OLFML2A: variants seen among roughly 807,000 people sequenced by gnomAD.
OLFML2A encodes the protein olfactomedin-like protein 2A.
OLFML2A carries 47 observed loss-of-function variants against 60.9 expected under a neutral mutation model. That is an observed-to-expected ratio of 0.77 (90% CI 0.61 to 0.98). The LOEUF (loss-of-function observed/expected upper bound fraction) is 0.98. Among genes scored for constraint, OLFML2A ranks in the 50% least tolerant of loss-of-function variants. OLFML2A has a pLI of 0.00. For synonymous variants in OLFML2A, 372 were observed against 375.0 expected (o/e 0.99, Z 0.09); for missense variants, 922 against 879.8 (o/e 1.05, Z -0.61).
intron 2 of OLFML2A, among the ~76,000 whole-genome samples, chr9:124,789,494 A>G (rs1028315410): frequency 6.6e-6 from 1 of 152,222 alleles, no homozygotes; most frequent in African/African-American, 2.4e-5. Context: ...CATGTATAAT[A>G]AGGTGTGTTA....
rs980462371 is a variant in OLFML2A, at chr9:124,811,534, G to T, written c.*1122G>T. 5 of 152,614 alleles carry T rather than the reference G, an allele frequency of 3.3e-5. No individual in the cohort carries two copies. The highest frequency in any genetic ancestry group is 1.2e-4 in the African/African-American group (5 of 41,472). 9.5% of individuals were successfully genotyped at this position (152,614 alleles called of 1,614,324 possible). On this transcript the variant is annotated 3_prime_UTR_variant, in exon 8 of 8. Transcript: ENST00000373580. ...CTGGGCAGGCTGGCCCAGCAGCCTG[G>T]GGGCTGCAGAAGACATGGTGTGAGT...
At chr9:124,802,380 G>A (rs989592711) in intron 5 of OLFML2A, among the ~76,000 whole-genome samples, 1 of 152,158 alleles carries the variant, frequency 6.6e-6, no homozygotes, top group Non-Finnish European at 1.5e-5. Flanking sequence ...CCTAGGTCCT[G>A]CTGACCACCT....
At chr9:124,778,222 A>G (rs1480317744) in intron 1 of OLFML2A, among the ~76,000 whole-genome samples, 1 of 151,982 alleles carries the variant, frequency 6.6e-6, no homozygotes, top group African/African-American at 2.4e-5. Context: ...GTAGCCAGGC[A>G]TGGTGGTGGG....
chr9:124,798,028 C>A (rs951376773), intron 3 of OLFML2A, among the ~76,000 whole-genome samples: 29 of 152,264 alleles, frequency 1.9e-4, no homozygotes, highest in Middle Eastern at 3.4e-3. Flanking sequence ...GAGGAGCCGG[C>A]ACGGCCCAGG....
Position 124,777,633 on chromosome 9 carries a change from G to C in OLFML2A, c.90+273G>C, listed in dbSNP as rs941891162. ...ACCGGGTCCGATTCCCGGAGGGGTC[G>C]GGGGATTTCCCCGGAGTGCTGGCCA... On this transcript the variant is annotated intron_variant, in intron 1 of 7. Coordinates refer to ENST00000373580, the MANE Select transcript of OLFML2A (RefSeq NM_182487.4). The surrounding 1 kb of genome is among the most constrained non-coding windows in gnomAD (Gnocchi z 6.2). Among the ~76,000 whole-genome samples, 22 of 152,170 alleles carry C rather than the reference G, an allele frequency of 1.4e-4. No individual in the cohort carries two copies. Among genetic ancestry groups the C allele is most frequent in the African/African-American group, 5.1e-4 (21 of 41,450 alleles).
chr9:124,799,172 C>T lies in OLFML2A; in HGVS notation c.463-113C>T, dbSNP rs747661577. 9.9e-5 allele frequency: 73 copies of T among 740,146 alleles called. No homozygotes were observed. The Admixed American group carries it at 1.2e-3, about 13-fold the overall frequency. 45.8% of individuals were successfully genotyped at this position (740,146 alleles called of 1,614,324 possible). ...ATGCTCACTGCGGCCGCCCCTAGCC[C>T]GTTCGGGGGACTGGGCAGCAAAGCC... is the stretch of plus-strand genomic sequence containing the variant. On this transcript the variant is annotated intron_variant, in intron 3 of 7. Transcript: ENST00000373580.
At chr9:124,808,726 A>C (rs1035432757) in intron 7 of OLFML2A, among the ~76,000 whole-genome samples, 3 of 152,094 alleles carry the variant, frequency 2.0e-5, no homozygotes, top group African/African-American at 7.2e-5. Context: ...GGCTGAGTAC[A>C]TGCAGAGGCC....
intron 5 of OLFML2A, among the ~76,000 whole-genome samples, chr9:124,803,548 A>G (rs991320581): frequency 9.8e-5 from 15 of 152,344 alleles, no homozygotes; most frequent in African/African-American, 3.4e-4. Flanking sequence ...TACAGGCACC[A>G]GCCACTGCGC....
chr9:124,808,834 AC>A (rs1841950267), intron 7 of OLFML2A, among the ~76,000 whole-genome samples: 1 of 151,846 alleles, frequency 6.6e-6, no homozygotes, highest in African/African-American at 2.4e-5. Context: ...TTTGGACTTA[AC>A]CCCGAGAGCC....
rs1403551710 is a variant in OLFML2A at position 124,779,361 on chromosome 9, A to G, written c.90+2001A>G. ...GTAGAAAATCCTAGGTAACCTGATCAGTGCCTTGTCACCACTGGGATCTCT... is the reference window on the plus strand; with the variant it reads ...GTAGAAAATCCTAGGTAACCTGATCGGTGCCTTGTCACCACTGGGATCTCT... On this transcript the variant is annotated intron_variant, in intron 1 of 7. Transcript: ENST00000373580. This position sits in a 1 kb window ranked among gnomAD's most constrained non-coding sequence, Gnocchi z 4.1. Among the ~76,000 whole-genome samples, 1 of 152,208 alleles carries G rather than the reference A, an allele frequency of 6.6e-6. No homozygotes were observed. The highest frequency in any genetic ancestry group is 1.5e-5 in the Non-Finnish European group (1 of 68,046).
chr9:124,777,615 C>T lies in OLFML2A; in HGVS notation c.90+255C>T, dbSNP rs1232453436. Among the ~76,000 whole-genome samples the T allele has an allele frequency of 2.6e-5, 4 of 152,146 alleles. No individual in the cohort carries two copies. The highest frequency in any genetic ancestry group is 2.6e-4 in the Admixed American group (4 of 15,288). ...TGAGGAAGGGGCGCTGGGACCGGGT[C>T]CGATTCCCGGAGGGGTCGGGGGATT... On this transcript the variant is annotated intron_variant, in intron 1 of 7. Transcript: ENST00000373580. This position sits in a 1 kb window ranked among gnomAD's most constrained non-coding sequence, Gnocchi z 6.2.
chr9:124,801,483 G>A lies in OLFML2A; in HGVS notation c.739G>A (p.Gly247Ser), dbSNP rs774637100. Residue 247 changes from glycine to serine, a missense_variant, in exon 5 of 8, where the codon GGC becomes AGC. Gly to Ser is a moderately conservative substitution (Grantham distance 56). Coordinates refer to ENST00000373580, the MANE Select transcript of OLFML2A (RefSeq NM_182487.4). ...TGTGCAGAAAAGCTTTGCAGACAGA[G>A]GCCTCCCAAAACCTCCCAAGGAGAA... ...GSVQKSFADR[G>S]LPKPPKEKLL... The A allele has an allele frequency of 6.2e-7, 1 of 1,614,092 alleles. No individual in the cohort carries two copies. The highest frequency in any genetic ancestry group is 1.3e-5 in the African/African-American group (1 of 75,010).
intron 2 of OLFML2A, among the ~76,000 whole-genome samples, chr9:124,793,576 C>T (rs1475584379): frequency 2.0e-5 from 3 of 152,170 alleles, no homozygotes; most frequent in Non-Finnish European, 4.4e-5. Context: ...CTGGTTCTAC[C>T]GTTGAACAGC....
At chr9:124,778,711 C>T (rs977633435) in intron 1 of OLFML2A, among the ~76,000 whole-genome samples, 2 of 151,914 alleles carry the variant, frequency 1.3e-5, no homozygotes, top group African/African-American at 2.4e-5. Context: ...GCAGGAGAAT[C>T]GCTTGAACCC....
Position 124,794,083 on chromosome 9 carries a change from G to A in OLFML2A, c.355-941G>A, listed in dbSNP as rs576238569. Among the ~76,000 whole-genome samples, 7 of 152,350 alleles carry A rather than the reference G, an allele frequency of 4.6e-5. No individual in the cohort carries two copies. In the South Asian group the frequency reaches 8.3e-4, roughly 18 times the overall value. On this transcript the variant is annotated intron_variant, in intron 2 of 7. Coordinates refer to ENST00000373580, the MANE Select transcript of OLFML2A (RefSeq NM_182487.4). ...ACTCCCCAGAGAAACTGGAAATGAA[G>A]TGGGAGACGCAGGGTGGGGAGAAGA...
intron 4 of OLFML2A, among the ~76,000 whole-genome samples, 178 bp downstream of exon 4, chr9:124,799,669 G>A (rs930634413): frequency 2.0e-5 from 3 of 152,228 alleles, no homozygotes; most frequent in African/African-American, 7.2e-5. Flanking sequence ...CTGCTGTACA[G>A]CAAGCACAGT....
intron 6 of OLFML2A, among the ~76,000 whole-genome samples, chr9:124,807,205 T>G (rs1841911974): frequency 1.3e-5 from 2 of 151,926 alleles, no homozygotes; most frequent in Non-Finnish European, 2.9e-5. Flanking sequence ...ATTACAGGTG[T>G]GAGTCACTGT....
chr9:124,808,292 T>C (rs1198759802), intron 7 of OLFML2A, among the ~76,000 whole-genome samples: 1 of 152,230 alleles, frequency 6.6e-6, no homozygotes, highest in Non-Finnish European at 1.5e-5. Context: ...GCTTACCCTG[T>C]GCTGATCTCG....
chr9:124,808,402 G>A (rs962624147), intron 7 of OLFML2A, among the ~76,000 whole-genome samples: 2 of 152,226 alleles, frequency 1.3e-5, no homozygotes, highest in Admixed American at 1.3e-4. Context: ...CGGAGCTGCA[G>A]GTCTGGGCAG....
Sources: allele counts gnomAD v4.1 joint callset (sites outside exome capture counted in the v4.1 genomes callset), GRCh38; gene constraint gnomAD v4.1.1; non-coding constraint Gnocchi (gnomAD v3.1); transcripts MANE v1.5; gene names NCBI Gene and HGNC (gene_info 2026-07-23, HGNC 2026-07-21).